GSTCD: variants seen among roughly 807,000 people sequenced by gnomAD.
GSTCD encodes glutathione S-transferase C-terminal domain containing, also known as glutathione S-transferase C-terminal domain-containing protein.
GSTCD carries 44 observed loss-of-function variants against 68.3 expected under a neutral mutation model. That is an observed-to-expected ratio of 0.64 (90% CI 0.51 to 0.83). The LOEUF (loss-of-function observed/expected upper bound fraction) is 0.83. GSTCD is among the 40% of genes least tolerant of loss of function. The pLI, the probability that GSTCD is intolerant of heterozygous loss-of-function variation, is 0.00. For missense variants in GSTCD, 739 were observed against 735.9 expected, an observed-to-expected ratio of 1.00 and a Z score of -0.05; for synonymous variants, 273 against 255.2, an observed-to-expected ratio of 1.07 and a Z score of -0.67.
chr4:105,769,241 A>T (rs62317676), intron 5 of GSTCD, among the ~76,000 whole-genome samples: 1 of 23,548 alleles, frequency 4.2e-5, no homozygotes, highest in African/African-American at 7.1e-5. Flanking sequence ...GCGCACACAC[A>T]CACACACACA....
At chr4:105,794,096 A>G (rs1412610434) in intron 5 of GSTCD, among the ~76,000 whole-genome samples, 2 of 152,136 alleles carry the variant, frequency 1.3e-5, no homozygotes, top group African/African-American at 4.8e-5. Context: ...GAAAATGAGC[A>G]TCTCATGAAG....
intron 5 of GSTCD, among the ~76,000 whole-genome samples, chr4:105,749,226 C>G (rs1733920681): frequency 6.6e-6 from 1 of 151,730 alleles, no homozygotes; most frequent in Non-Finnish European, 1.5e-5. Flanking sequence ...GATAATAATA[C>G]ACTTATTATT....
At chr4:105,731,989 T>G (rs1446005474) in intron 5 of GSTCD, among the ~76,000 whole-genome samples, 2 of 152,196 alleles carry the variant, frequency 1.3e-5, no homozygotes, top group African/African-American at 2.4e-5. Flanking sequence ...ATATGCTGGA[T>G]TACGTTTATT....
chr4:105,766,117 A>G (rs1457762764), intron 5 of GSTCD, among the ~76,000 whole-genome samples: 2 of 152,188 alleles, frequency 1.3e-5, no homozygotes, highest in Non-Finnish European at 2.9e-5. Context: ...GGGATATTAA[A>G]TGATATAGGT....
chr4:105,837,496 A>C (rs9994835), intron 9 of GSTCD, among the ~76,000 whole-genome samples: 1,934 of 152,238 alleles, frequency 0.013, 53 homozygotes, highest in African/African-American at 0.044. Context: ...AACTGTGAGT[A>C]ATAAAGTATC....
At chr4:105,725,373 T>C (rs910303331) in intron 3 of GSTCD, among the ~76,000 whole-genome samples, 2 of 152,268 alleles carry the variant, frequency 1.3e-5, no homozygotes, top group Middle Eastern at 3.4e-3. Context: ...TACTGGATTG[T>C]ATGGTAAGAG....
intron 5 of GSTCD, among the ~76,000 whole-genome samples, chr4:105,793,419 TAA>T (rs1553963380): frequency 2.7e-5 from 4 of 150,752 alleles, no homozygotes; most frequent in African/African-American, 9.8e-5. Flanking sequence ...TTTTTTTTTT[TAA>T]AAAAAATCTT....
At chr4:105,738,137 CTCTTT>C (rs1210624154) in intron 5 of GSTCD, among the ~76,000 whole-genome samples, 1 of 152,148 alleles carries the variant, frequency 6.6e-6, no homozygotes, top group East Asian at 1.9e-4. Flanking sequence ...CCAAATAAAC[CTCTTT>C]TCTTTATAAA....
intron 5 of GSTCD, 21 bp downstream of exon 5, chr4:105,729,520 A>G: frequency 6.6e-7 from 1 of 1,517,784 alleles, no homozygotes; most frequent in Non-Finnish European, 9.1e-7. Flanking sequence ...TTTTTTCTTT[A>G]AGTTTTATTC....
At position 105,823,357 on chromosome 4, in the gene GSTCD, G is replaced by A; in HGVS notation, c.1401+82G>A. On this transcript the variant is annotated intron_variant, in intron 7 of 11. Coordinates refer to ENST00000515279, the MANE Select transcript of GSTCD (RefSeq NM_001370181.1). ...CCAAATTTGGTTTATCCCGCTCTTG[G>A]AGTTTCTAGTCACTCACCCAAGTCA... The A allele has an allele frequency of 2.5e-6, 3 of 1,187,342 alleles. No homozygotes were observed. In the South Asian group the frequency reaches 3.8e-5, roughly 15 times the overall value. 73.6% of individuals were successfully genotyped at this position (1,187,342 alleles called of 1,614,324 possible).
rs186411642 is a variant in GSTCD, at chr4:105,740,999, C to A, written c.1240+11500C>A. The stretch of plus-strand genomic sequence containing the variant: ...AAGGATGCTTGTTTAATTTTAAATA[C>A]CATTTTAGGTGTTTTTTAGATAGAG... On this transcript the variant is annotated intron_variant, in intron 5 of 11. Transcript: ENST00000515279. Among the ~76,000 whole-genome samples, 560 of 151,854 alleles carry A rather than the reference C, an allele frequency of 3.7e-3. 4 individuals are homozygous for A. Among genetic ancestry groups the A allele is most frequent in the Middle Eastern group, 0.014 (4 of 294 alleles).
chr4:105,735,517 A>G (rs908100856), intron 5 of GSTCD, among the ~76,000 whole-genome samples: 58 of 152,218 alleles, frequency 3.8e-4, no homozygotes, highest in Middle Eastern at 3.4e-3. Flanking sequence ...TGCTAAGACC[A>G]TTGGAAAAGC....
intron 5 of GSTCD, among the ~76,000 whole-genome samples, chr4:105,797,760 C>CTTTTTTTTTTTTTTTTTTGTTT (rs1735953635): frequency 1.2e-5 from 1 of 84,952 alleles, no homozygotes; most frequent in African/African-American, 4.7e-5. Context: ...CACAATAGAA[C>CTTTTTTTTTTTTTTTTTTGTTT]TTTTTTTTTT....
intron 8 of GSTCD, chr4:105,827,097 T>A (rs1268500675): frequency 6.6e-6 from 1 of 152,122 alleles, no homozygotes; most frequent in Non-Finnish European, 1.5e-5. Flanking sequence ...TCTAGAAAAT[T>A]CAAATTAAAA....
intron 5 of GSTCD, among the ~76,000 whole-genome samples, chr4:105,801,625 C>T (rs1736108580): frequency 6.6e-6 from 1 of 151,456 alleles, no homozygotes; most frequent in Non-Finnish European, 1.5e-5. Flanking sequence ...GTATAAAGTT[C>T]ATCAATATAT....
chr4:105,789,089 A>G (rs1166377186), intron 5 of GSTCD, among the ~76,000 whole-genome samples: 1 of 152,154 alleles, frequency 6.6e-6, no homozygotes, highest in East Asian at 1.9e-4. Context: ...TTATTAAGAC[A>G]TGAAAGTGTA....
At chr4:105,791,538 A>G (rs1431663309) in intron 5 of GSTCD, among the ~76,000 whole-genome samples, 2 of 152,140 alleles carry the variant, frequency 1.3e-5, no homozygotes, top group Non-Finnish European at 2.9e-5. Context: ...TTACCTTTTC[A>G]GAGAAATGTG....
chr4:105,778,554 T>A (rs1735158450), intron 5 of GSTCD, among the ~76,000 whole-genome samples: 1 of 152,128 alleles, frequency 6.6e-6, no homozygotes, highest in South Asian at 2.1e-4. Context: ...TTAAGGATTA[T>A]CATGCCATTT....
intron 5 of GSTCD, 37 bp from the exon 6 acceptor site, chr4:105,822,917 A>T: frequency 6.8e-7 from 1 of 1,467,650 alleles, no homozygotes; most frequent in South Asian, 1.2e-5. Context: ...CTCAAAATAT[A>T]TAATGTTTTG....
Sources: gnomAD v4.1 joint callset for allele counts (sites outside exome capture counted in the v4.1 genomes callset) on GRCh38, gnomAD v4.1.1 for gene constraint, MANE v1.5 for transcripts, NCBI Gene and HGNC (gene_info 2026-07-23, HGNC 2026-07-21) for gene names.